Variants in PAWR observed in about 807,000 individuals in gnomAD.
PAWR encodes pro-apoptotic WT1 regulator, also known as PRKC apoptosis WT1 regulator protein.
PAWR carries 23 observed loss-of-function variants against 32.0 expected under a neutral mutation model. That is an observed-to-expected ratio of 0.72 (90% CI 0.52 to 1.02). The LOEUF is 1.02. Ranked by LOEUF, PAWR falls within the 50% of genes least tolerant of loss-of-function variation. PAWR has a pLI of 0.00. For synonymous variants in PAWR, 226 were observed against 187.1 expected (o/e 1.21, Z -1.70); for missense variants, 457 against 437.7 (o/e 1.04, Z -0.39).
At chr12:79,604,307 C>T in intron 4 of PAWR, 11 of 1,000,620 alleles carry the variant, frequency 1.1e-5, no homozygotes, top group Non-Finnish European at 1.3e-5. Flanking sequence ...GAAACAGTAT[C>T]ATCAAAGATA....
In PAWR at chr12:79,585,072, T is replaced by C. The variant is rs563114122; in HGVS notation, c.*7535A>G. ...GAAAGAATACTAAATTAATGGGGGT[T>C]ATGTCAGGATGCCAATGTCCATGCT... On this transcript the variant is annotated 3_prime_UTR_variant, in exon 7 of 7. Transcript: ENST00000328827. 27 of 416,682 alleles carry C rather than the reference T, an allele frequency of 6.5e-5. No individual in the cohort carries two copies. In the East Asian group the frequency reaches 2.0e-3, roughly 31 times the overall value. The allele number at this position is 416,682 out of a possible 1,614,324, so 25.8% of individuals were successfully genotyped here.
chr12:79,632,312 C>CATATATATATATATAT (rs71091677), intron 2 of PAWR: 1 of 11,600 alleles, frequency 8.6e-5, no homozygotes. Flanking sequence ...TATATACATA[C>CATATATATATATATAT]ATATATATAT....
chr12:79,651,470 G>C (rs1876841702), intron 2 of PAWR, among the ~76,000 whole-genome samples: 1 of 152,184 alleles, frequency 6.6e-6, no homozygotes, highest in South Asian at 2.1e-4. Context: ...CCGTATCTCA[G>C]CTCAGCCTCT....
At chr12:79,661,485 T>G (rs1208629621) in intron 2 of PAWR, among the ~76,000 whole-genome samples, 1 of 152,166 alleles carries the variant, frequency 6.6e-6, no homozygotes. Flanking sequence ...ACAATGGCTG[T>G]CTGCACCACT....
intron 2 of PAWR, chr12:79,668,503 A>T (rs1877722024): frequency 6.6e-6 from 1 of 152,206 alleles, no homozygotes; most frequent in African/African-American, 2.4e-5. Flanking sequence ...GTTTCATGGG[A>T]CACAATTTTT....
At chr12:79,598,280 C>T (rs955678274) in intron 4 of PAWR, among the ~76,000 whole-genome samples, 1 of 152,008 alleles carries the variant, frequency 6.6e-6, no homozygotes, top group Non-Finnish European at 1.5e-5. Flanking sequence ...TAGGTTGGAC[C>T]GAGGACAATG....
intron 2 of PAWR, among the ~76,000 whole-genome samples, chr12:79,630,393 G>A (rs947018018): frequency 2.0e-5 from 3 of 151,646 alleles, no homozygotes; most frequent in Admixed American, 6.6e-5. Context: ...TCTGCCTCCC[G>A]GGTTCAAGCA....
chr12:79,670,799 C>G (rs1236017180), intron 2 of PAWR, among the ~76,000 whole-genome samples: 1 of 150,978 alleles, frequency 6.6e-6, no homozygotes, highest in East Asian at 1.9e-4. Context: ...GATTTTAAAG[C>G]AAAACCTTAG....
intron 2 of PAWR, among the ~76,000 whole-genome samples, chr12:79,662,222 AAGCATACT>A (rs1877387129): frequency 6.6e-6 from 1 of 151,600 alleles, no homozygotes; most frequent in African/African-American, 2.4e-5. Flanking sequence ...AAAAAAAAAA[AAGCATACT>A]AATGCTTAAA....
Position 79,585,636 on chromosome 12 carries a change from A to G in PAWR, c.*6971T>C, listed in dbSNP as rs749116094. On this transcript the variant is annotated 3_prime_UTR_variant, in exon 7 of 7. Transcript: ENST00000328827. ...GGCTACTGAATTACTAATGAATGTT[A>G]TTATGCTATCATAAGTTATGGTTAA... 6.6e-6 allele frequency: 1 copy of G among 152,582 alleles called. No homozygotes were observed. Among genetic ancestry groups the G allele is most frequent in the Non-Finnish European group, 1.5e-5 (1 of 68,352 alleles). The allele number at this position is 152,582 out of a possible 1,614,324, so 9.5% of individuals were successfully genotyped here. A position where few individuals can be genotyped will look rare whatever the true frequency, so the allele number is the denominator to read the frequency against.
intron 2 of PAWR, among the ~76,000 whole-genome samples, chr12:79,627,763 C>G (rs2136734506): frequency 6.6e-6 from 1 of 152,194 alleles, no homozygotes; most frequent in Non-Finnish European, 1.5e-5. Context: ...GCTAACTATC[C>G]TAAATATATA....
At chr12:79,680,974 A>C (rs985540199) in intron 2 of PAWR, among the ~76,000 whole-genome samples, 1 of 151,270 alleles carries the variant, frequency 6.6e-6, no homozygotes, top group African/African-American at 2.4e-5. Flanking sequence ...AATTAGCCCA[A>C]TGTGGTGGTG....
At chr12:79,633,187 T>G (rs113117696) in intron 2 of PAWR, among the ~76,000 whole-genome samples, 1,677 of 152,080 alleles carry the variant, frequency 0.011, 39 homozygotes, top group African/African-American at 0.038. Flanking sequence ...CTTTTGCTAT[T>G]CAAAAAATAG....
chr12:79,586,146 G>T lies in PAWR; in HGVS notation c.*6461C>A, dbSNP rs534725033. On this transcript the variant is annotated 3_prime_UTR_variant, in exon 7 of 7. Transcript: ENST00000328827. ...GTCCTAAGCCATCCATACACAAAAC[G>T]TTTAATGTGTTATGGAAGGCTAACA... 11 of 152,254 alleles carry T rather than the reference G, an allele frequency of 7.2e-5. No individual in the cohort carries two copies. Among genetic ancestry groups the T allele is most frequent in the Non-Finnish European group, 1.3e-4 (9 of 68,008 alleles). 9.4% of individuals were successfully genotyped at this position (152,254 alleles called of 1,614,324 possible). A position where few individuals can be genotyped will look rare whatever the true frequency, so the allele number is the denominator to read the frequency against.
chr12:79,588,248 T>G lies in PAWR; in HGVS notation c.*4359A>C, dbSNP rs183884420. On this transcript the variant is annotated 3_prime_UTR_variant, in exon 7 of 7. Transcript: ENST00000328827. The stretch of plus-strand genomic sequence containing the variant: ...AACTGTCGATATGTGAACTGTAGAT[T>G]AGAACAGACTTACATATCTAAAAAC... 1 of 152,090 alleles carries G rather than the reference T, an allele frequency of 6.6e-6. No individual in the cohort carries two copies. The highest frequency in any genetic ancestry group is 1.9e-4 in the East Asian group (1 of 5,182). 9.4% of individuals were successfully genotyped at this position (152,090 alleles called of 1,614,324 possible). A position where few individuals can be genotyped will look rare whatever the true frequency, so the allele number is the denominator to read the frequency against.
chr12:79,604,609 T>C, intron 4 of PAWR: 1 of 1,281,938 alleles, frequency 7.8e-7, no homozygotes. Flanking sequence ...AACCAACAAC[T>C]ACTTAACTGG....
Position 79,595,889 on chromosome 12 carries a change from G to A in PAWR, c.831+622C>T, listed in dbSNP as rs1453933928. Among the ~76,000 whole-genome samples the A allele has an allele frequency of 3.9e-5, 6 of 151,902 alleles. No homozygotes were observed. The East Asian group carries it at 1.2e-3, about 29-fold the overall frequency. On this transcript the variant is annotated intron_variant, in intron 5 of 6. Transcript: ENST00000328827. ...AATAAATAAAAATAAATAAAACTAT[G>A]AAATAATAATTCCAAGAAGAAACTG...
intron 4 of PAWR, among the ~76,000 whole-genome samples, chr12:79,603,050 T>G (rs1422291233): frequency 6.6e-6 from 1 of 151,998 alleles, no homozygotes; most frequent in Non-Finnish European, 1.5e-5. Flanking sequence ...AAGACCAGTC[T>G]GGACAACATA....
At chr12:79,632,361 A>ATTT (rs755937992) in intron 2 of PAWR, among the ~76,000 whole-genome samples, 26 of 20,596 alleles carry the variant, frequency 1.3e-3, no homozygotes, top group Admixed American at 2.2e-3. Flanking sequence ...ATATATATAT[A>ATTT]TTTTTTTTTT....
Sources: allele counts gnomAD v4.1 joint callset (sites outside exome capture counted in the v4.1 genomes callset), GRCh38; gene constraint gnomAD v4.1.1; transcripts MANE v1.5; gene names NCBI Gene and HGNC (gene_info 2026-07-23, HGNC 2026-07-21).